The following FNBP1L variants were observed in gnomAD, a reference collection of about 807,000 sequenced individuals.
FNBP1L encodes formin binding protein 1 like, also known as formin-binding protein 1-like.
FNBP1L carries 36 observed loss-of-function variants against 91.2 expected under a neutral mutation model. The ratio of observed to expected loss-of-function variants is 0.39; its 90% CI spans 0.30 to 0.52. The LOEUF is 0.52. FNBP1L is among the 20% of genes least tolerant of loss of function. FNBP1L has a pLI of 0.66. For missense variants in FNBP1L, 571 were observed against 732.1 expected, an observed-to-expected ratio of 0.78 and a Z score of 2.54; for synonymous variants, 242 against 237.0, an observed-to-expected ratio of 1.02 and a Z score of -0.19.
At chr1:93,552,240 G>A (rs1391995790) in intron 16 of FNBP1L, 169 bp from the exon 17 acceptor site, 1 of 1,409,030 alleles carries the variant, frequency 7.1e-7, no homozygotes, top group South Asian at 1.8e-5. Flanking sequence ...TGAAGAAGCA[G>A]TAAGATTGGT....
chr1:93,478,907 T>G (rs1669589818), intron 1 of FNBP1L, among the ~76,000 whole-genome samples: 3 of 152,240 alleles, frequency 2.0e-5, no homozygotes, highest in Admixed American at 2.0e-4. Context: ...ACAGTCACAT[T>G]GACAAGGAAG....
At chr1:93,520,731 T>C (rs1671292569) in intron 2 of FNBP1L, among the ~76,000 whole-genome samples, 1 of 152,038 alleles carries the variant, frequency 6.6e-6, no homozygotes, top group South Asian at 2.1e-4. Flanking sequence ...AGGCAAATTG[T>C]CCAAGGTCAC....
chr1:93,525,205 G>T (rs900952026), intron 5 of FNBP1L, among the ~76,000 whole-genome samples: 1 of 152,008 alleles, frequency 6.6e-6, no homozygotes, highest in African/African-American at 2.4e-5. Context: ...AAATTATGCC[G>T]AAGGGAGTTT....
chr1:93,461,743 T>A (rs923386532), intron 1 of FNBP1L, among the ~76,000 whole-genome samples: 9 of 152,200 alleles, frequency 5.9e-5, no homozygotes, highest in Admixed American at 1.3e-4. Flanking sequence ...GCAAAGAATA[T>A]AAGATCTCTG....
At chr1:93,507,107 ACTCTCTCTCTCT>A (rs545137195) in intron 2 of FNBP1L, among the ~76,000 whole-genome samples, 61 of 45,514 alleles carry the variant, frequency 1.3e-3, no homozygotes, top group Middle Eastern at 0.012. Flanking sequence ...ACACACACAC[ACTCTCTCTCTCT>A]CTCTCTCTCT....
At chr1:93,467,733 C>T (rs930502835) in intron 1 of FNBP1L, among the ~76,000 whole-genome samples, 1 of 151,986 alleles carries the variant, frequency 6.6e-6, no homozygotes, top group African/African-American at 2.4e-5. Flanking sequence ...CATAATTGTG[C>T]CTGTTAATAG....
intron 1 of FNBP1L, among the ~76,000 whole-genome samples, chr1:93,465,851 C>T (rs1443330706): frequency 6.6e-6 from 1 of 152,194 alleles, no homozygotes; most frequent in Non-Finnish European, 1.5e-5. Context: ...TTCTCCACAT[C>T]CTCTCCAGCA....
intron 2 of FNBP1L, among the ~76,000 whole-genome samples, chr1:93,502,574 C>T (rs895460840): frequency 6.6e-6 from 1 of 152,108 alleles, no homozygotes; most frequent in Non-Finnish European, 1.5e-5. Flanking sequence ...TTAGAATTTT[C>T]ACTTACTTGC....
intron 2 of FNBP1L, among the ~76,000 whole-genome samples, chr1:93,503,908 G>A (rs1670521188): frequency 6.6e-6 from 1 of 152,164 alleles, no homozygotes; most frequent in African/African-American, 2.4e-5. Flanking sequence ...AGATAGTGCT[G>A]TATGAAATTA....
Position 93,534,813 on chromosome 1 carries a change from A to G in FNBP1L, c.895A>G (p.Ile299Val), listed in dbSNP as rs1263611996. The change falls in exon 9 of 17, where the codon ATC becomes GTC. Residue 299 changes from isoleucine to valine, a missense_variant. Coordinates refer to ENST00000271234, the MANE Select transcript of FNBP1L (RefSeq NM_001164473.3). The part of the protein sequence containing the change: ...HIYRTISDGT[I>V]SASKQESGKM... Reference sequence around the variant, plus strand: ...ATATAGAACCATTTCTGATGGGACTATCAGTGCATCCAAACAGGAGAGTGG... The same window carrying G: ...ATATAGAACCATTTCTGATGGGACTGTCAGTGCATCCAAACAGGAGAGTGG... The G allele has an allele frequency of 1.9e-6, 3 of 1,575,122 alleles. No homozygotes were observed. Among genetic ancestry groups the G allele is most frequent in the East Asian group, 2.3e-5 (1 of 43,294 alleles).
chr1:93,449,176 C>G (rs1476238519), intron 1 of FNBP1L, among the ~76,000 whole-genome samples: 1 of 152,168 alleles, frequency 6.6e-6, no homozygotes, highest in Non-Finnish European at 1.5e-5. Context: ...CAGACAATGC[C>G]CAGTGTCTGG....
chr1:93,496,089 G>C (rs115269597), intron 1 of FNBP1L, among the ~76,000 whole-genome samples: 358 of 152,254 alleles, frequency 2.4e-3, no homozygotes, highest in African/African-American at 8.4e-3. Flanking sequence ...ATTCTTTCTT[G>C]CTGGGGGAAG....
intron 1 of FNBP1L, among the ~76,000 whole-genome samples, chr1:93,487,757 C>A (rs1669955574): frequency 6.6e-6 from 1 of 152,178 alleles, no homozygotes; most frequent in South Asian, 2.1e-4. Flanking sequence ...TTTACTTGTA[C>A]CTCACTGGTC....
At chr1:93,456,948 G>T (rs1012136839) in intron 1 of FNBP1L, among the ~76,000 whole-genome samples, 3 of 152,102 alleles carry the variant, frequency 2.0e-5, no homozygotes, top group African/African-American at 4.8e-5. Flanking sequence ...GAGTGCAGTG[G>T]TGCCATCACA....
In FNBP1L at chr1:93,549,404, C is replaced by CA. The variant is rs1352902216; in HGVS notation, c.1632dup (p.Ala545SerfsTer6). ...ATCCCTTGCCTGCTATTGGACACTG[C>CA]AAAGCTATCTACCCTTTTGATGGTA... On this transcript the variant is annotated frameshift_variant, in exon 15 of 17. Transcript: ENST00000271234. LOFTEE classifies it high-confidence loss of function. 1.9e-6 allele frequency: 3 copies of CA among 1,600,616 alleles called. No homozygotes were observed. The highest frequency in any genetic ancestry group is 1.7e-6 in the Non-Finnish European group (2 of 1,175,934).
At chr1:93,543,275 A>G (rs917886049) in intron 11 of FNBP1L, among the ~76,000 whole-genome samples, 8 of 152,190 alleles carry the variant, frequency 5.3e-5, no homozygotes, top group African/African-American at 1.9e-4. Flanking sequence ...TTTAAGGGAA[A>G]AGGTGTCATT....
intron 1 of FNBP1L, among the ~76,000 whole-genome samples, chr1:93,478,673 C>T (rs1669583804): frequency 6.6e-6 from 1 of 152,128 alleles, no homozygotes; most frequent in African/African-American, 2.4e-5. Flanking sequence ...AGACTGATTA[C>T]TACCTGCTGG....
intron 1 of FNBP1L, among the ~76,000 whole-genome samples, chr1:93,465,080 G>A (rs1356499131): frequency 1.3e-5 from 2 of 151,890 alleles, no homozygotes; most frequent in Non-Finnish European, 2.9e-5. Flanking sequence ...AAGGCTGAGA[G>A]AATTATGCAT....
At chr1:93,458,269 A>C (rs1175935579) in intron 1 of FNBP1L, among the ~76,000 whole-genome samples, 1 of 151,990 alleles carries the variant, frequency 6.6e-6, no homozygotes, top group East Asian at 1.9e-4. Flanking sequence ...GAGGAGGAAA[A>C]CTGGATATCC....
Sources: gnomAD v4.1 joint callset for allele counts (sites outside exome capture counted in the v4.1 genomes callset) on GRCh38, gnomAD v4.1.1 for gene constraint, MANE v1.5 for transcripts, NCBI Gene and HGNC (gene_info 2026-07-23, HGNC 2026-07-21) for gene names.